Variants in LCOR observed in about 807,000 individuals in gnomAD.
LCOR encodes the protein ligand dependent nuclear receptor corepressor, also known as ligand-dependent corepressor.
In LCOR, 14 loss-of-function variants were observed where a neutral mutation model predicts 64.4. The ratio of observed to expected loss-of-function variants is 0.22; its 90% CI spans 0.14 to 0.34. LCOR has a LOEUF of 0.34. Ranked by LOEUF, LCOR falls within the 10% of genes least tolerant of loss-of-function variation. LCOR has a pLI of 1.00. For synonymous variants in LCOR, 643 were observed against 642.5 expected (o/e 1.00, Z -0.01); for missense variants, 1,686 against 1,765.3 (o/e 0.96, Z 0.80).
intron 2 of LCOR, among the ~76,000 whole-genome samples, chr10:96,858,799 C>T (rs1365007422): frequency 1.3e-5 from 2 of 152,108 alleles, no homozygotes; most frequent in Admixed American, 1.3e-4. Flanking sequence ...GTACTTTTAA[C>T]AAGCATGAAT....
At chr10:96,891,993 C>T (rs529674905) in intron 2 of LCOR, among the ~76,000 whole-genome samples, 5 of 152,256 alleles carry the variant, frequency 3.3e-5, no homozygotes, top group South Asian at 4.2e-4. Flanking sequence ...TTGAAATTTA[C>T]GGCAAGTTTT....
intron 4 of LCOR, among the ~76,000 whole-genome samples, chr10:96,917,754 G>A (rs186061995): frequency 2.4e-4 from 37 of 152,292 alleles, no homozygotes; most frequent in Admixed American, 6.5e-4. Flanking sequence ...AGAGATGTGC[G>A]TAGAGAATCT....
rs761907103 is a variant in LCOR, at chr10:96,920,751, T to TATATGTATACACAC, written c.-184+13005_-184+13006insTATGTATACACACA. ...GTTCATATATATGTGTATATATGTA[T>TATATGTATACACAC]ACACACACACACACACACACACACA... On this transcript the variant is annotated intron_variant, in intron 4 of 7. Transcript: ENST00000421806. 7.0e-3 allele frequency among the ~76,000 whole-genome samples: 832 copies of TATATGTATACACAC among 118,812 alleles called. 29 individuals are homozygous for TATATGTATACACAC. Among genetic ancestry groups the TATATGTATACACAC allele is most frequent in the African/African-American group, 0.024 (613 of 25,554 alleles). 77.9% of individuals were successfully genotyped at this position (118,812 alleles called of 152,430 possible). A position where few individuals can be genotyped will look rare whatever the true frequency, so the allele number is the denominator to read the frequency against.
rs928783084 is a variant in LCOR, at chr10:96,992,224, G to A, written c.*7090G>A. On this transcript the variant is annotated 3_prime_UTR_variant, in exon 8 of 8. Transcript: ENST00000421806. ...TTCTCGGAGACTGTGTTAGTAACTG[G>A]TTTCAAATACATATATATAATATTT... is the stretch of plus-strand genomic sequence containing the variant. 1.3e-5 allele frequency: 2 copies of A among 151,944 alleles called. No homozygotes were observed. Among genetic ancestry groups the A allele is most frequent in the Admixed American group, 6.6e-5 (1 of 15,264 alleles). The allele number at this position is 151,944 out of a possible 1,614,324, so 9.4% of individuals were successfully genotyped here. A position where few individuals can be genotyped will look rare whatever the true frequency, so the allele number is the denominator to read the frequency against.
chr10:96,893,945 A>AAAAT (rs1410933956), intron 2 of LCOR, among the ~76,000 whole-genome samples: 1 of 152,132 alleles, frequency 6.6e-6, no homozygotes, highest in East Asian at 1.9e-4. Flanking sequence ...TTGGATACAT[A>AAAAT]AAATGTGCAT....
chr10:96,863,957 T>G (rs1442966815), intron 2 of LCOR, among the ~76,000 whole-genome samples: 2 of 152,232 alleles, frequency 1.3e-5, no homozygotes, highest in Non-Finnish European at 2.9e-5. Context: ...GGAACTGTTC[T>G]GAGCTTGTTG....
intron 2 of LCOR, among the ~76,000 whole-genome samples, chr10:96,873,955 A>C (rs535340478): frequency 1.6e-4 from 25 of 152,276 alleles, no homozygotes; most frequent in African/African-American, 6.0e-4. Context: ...ACTGAGGGAC[A>C]TTCATGAGTT....
intron 2 of LCOR, among the ~76,000 whole-genome samples, chr10:96,858,363 A>C (rs956733442): frequency 1.3e-5 from 2 of 152,222 alleles, no homozygotes; most frequent in African/African-American, 4.8e-5. Context: ...TTCGACAGAC[A>C]AATTGGTAAA....
At chr10:96,839,529 C>A (rs1845502899) in intron 2 of LCOR, among the ~76,000 whole-genome samples, 1 of 152,160 alleles carries the variant, frequency 6.6e-6, no homozygotes, top group Admixed American at 6.5e-5. Flanking sequence ...TGCCCTGTCA[C>A]AAATGTTTTG....
At chr10:96,956,051 G>T in intron 7 of LCOR, 1 of 1,466,128 alleles carries the variant, frequency 6.8e-7, no homozygotes, top group Non-Finnish European at 9.0e-7. Flanking sequence ...GCATTGACTT[G>T]TGTGTACAGA....
At position 96,981,941 on chromosome 10, in the gene LCOR, G is replaced by A. The variant is rs375048893; in HGVS notation, c.1481G>A (p.Arg494Gln). 2.5e-5 allele frequency: 40 copies of A among 1,613,996 alleles called. No individual in the cohort carries two copies. Among genetic ancestry groups the A allele is most frequent in the South Asian group, 3.3e-5 (3 of 91,078 alleles). Reference sequence around the variant, plus strand: ...AATCAAAAATCAATATTATCTTCTCGGAAAACAGCCAGAAAGAGTACTCGA... The same window carrying A: ...AATCAAAAATCAATATTATCTTCTCAGAAAACAGCCAGAAAGAGTACTCGA... ...FENQKSILSS[R>Q]KTARKSTRGY... The change falls in exon 8 of 8, where the codon CGG (arginine) becomes CAG (glutamine). Residue 494 changes from arginine (R) to glutamine (Q), a missense_variant. By Grantham distance (43) the Arg-to-Gln change is conservative. Around this residue, in one of 3 missense-constraint regions of LCOR, gnomAD observed 1,293 missense variants for 1,410.4 expected, o/e 0.92. Transcript: ENST00000421806.
Position 96,888,355 on chromosome 10 carries a change from C to T in LCOR, c.-329-18910C>T, listed in dbSNP as rs547153318. Among the ~76,000 whole-genome samples the T allele has an allele frequency of 2.9e-3, 229 of 78,430 alleles. 1 individual carries two copies. Among genetic ancestry groups the T allele is most frequent in the Non-Finnish European group, 4.3e-3 (196 of 45,786 alleles). The allele number at this position is 78,430 out of a possible 152,430, so 51.5% of individuals were successfully genotyped here. A position where few individuals can be genotyped will look rare whatever the true frequency, so the allele number is the denominator to read the frequency against. The stretch of plus-strand genomic sequence containing the variant: ...CTCTAGCCTGGGTGACAGAGCAAGA[C>T]TCCGTCTCAAAAAAAAAAAAAAAAA... On this transcript the variant is annotated intron_variant, in intron 2 of 7. Coordinates refer to ENST00000421806, the MANE Select transcript of LCOR (RefSeq NM_001346516.2).
At chr10:96,899,686 T>C (rs1021311870) in intron 2 of LCOR, among the ~76,000 whole-genome samples, 1 of 152,080 alleles carries the variant, frequency 6.6e-6, no homozygotes, top group African/African-American at 2.4e-5. Context: ...CTTAAATAAA[T>C]CTTGTAAATC....
At chr10:96,946,863 C>T (rs1462101016) in intron 5 of LCOR, among the ~76,000 whole-genome samples, 1 of 152,056 alleles carries the variant, frequency 6.6e-6, no homozygotes, top group Non-Finnish European at 1.5e-5. Context: ...ACTACTTAAA[C>T]ACAGAGGCAT....
At chr10:96,978,945 G>A (rs1848059779) in intron 7 of LCOR, among the ~76,000 whole-genome samples, 1 of 152,184 alleles carries the variant, frequency 6.6e-6, no homozygotes, top group African/African-American at 2.4e-5. Context: ...TTACAGATGA[G>A]GAAACCAAGG....
intron 7 of LCOR, chr10:96,955,856 T>C: frequency 1.9e-6 from 3 of 1,614,210 alleles, no homozygotes; most frequent in Non-Finnish European, 2.5e-6. Flanking sequence ...CAGATGTTTC[T>C]GTAAAGATTG....
chr10:96,897,779 T>C (rs1846564995), intron 2 of LCOR, among the ~76,000 whole-genome samples: 1 of 152,170 alleles, frequency 6.6e-6, no homozygotes, highest in South Asian at 2.1e-4. Flanking sequence ...AAAAGCTGTT[T>C]GTGGGCCAGC....
chr10:96,916,282 C>T (rs1399065393), intron 4 of LCOR, among the ~76,000 whole-genome samples: 4 of 152,078 alleles, frequency 2.6e-5, no homozygotes, highest in African/African-American at 4.8e-5. Context: ...CCGCCCACCT[C>T]GGCCTCCCAA....
At position 96,993,562 on chromosome 10, in the gene LCOR, G is replaced by C. The variant is rs1280347003; in HGVS notation, c.*8428G>C. 6 of 152,004 alleles carry C rather than the reference G, an allele frequency of 3.9e-5. No homozygotes were observed. Among genetic ancestry groups the C allele is most frequent in the African/African-American group, 2.4e-5 (1 of 41,388 alleles). 9.4% of individuals were successfully genotyped at this position (152,004 alleles called of 1,614,324 possible). On this transcript the variant is annotated 3_prime_UTR_variant, in exon 8 of 8. Transcript: ENST00000421806. ...CTGTATACAAATTCATGTTCTGAGT[G>C]ATGTTGGTTTGCATTGTAGTATTAT...
Sources: gnomAD v4.1 joint callset for allele counts (sites outside exome capture counted in the v4.1 genomes callset) on GRCh38, gnomAD v4.1.1 for gene constraint, gnomAD v4.1.1 regional missense constraint, MANE v1.5 for transcripts, NCBI Gene and HGNC (gene_info 2026-07-23, HGNC 2026-07-21) for gene names.